Variants in IMMP2L observed in about 807,000 individuals in gnomAD.
IMMP2L encodes mitochondrial inner membrane protease subunit 2.
In IMMP2L, 18 loss-of-function variants were observed where a neutral mutation model predicts 19.3. That is an observed-to-expected ratio of 0.93 (90% CI 0.64 to 1.38). IMMP2L has a LOEUF of 1.38. IMMP2L is among the 40% of genes most tolerant of loss of function. The probability of loss-of-function intolerance (pLI) is 0.00; values close to 1 mark genes in which losing one functional copy is unlikely to be tolerated. For synonymous variants in IMMP2L, 76 were observed against 73.0 expected (o/e 1.04, Z -0.21); for missense variants, 233 against 218.2 (o/e 1.07, Z -0.43).
chr7:110,893,526 T>C (rs1489532127), intron 4 of IMMP2L, among the ~76,000 whole-genome samples: 1 of 152,210 alleles, frequency 6.6e-6, no homozygotes, highest in Non-Finnish European at 1.5e-5. Context: ...TGTCAAACAA[T>C]AGTTCATGAA....
chr7:110,814,937 T>C (rs556973313), intron 5 of IMMP2L, among the ~76,000 whole-genome samples: 1 of 152,094 alleles, frequency 6.6e-6, no homozygotes, highest in South Asian at 2.1e-4. Context: ...CACATGGTAG[T>C]TTTCTTTTAG....
intron 1 of IMMP2L, among the ~76,000 whole-genome samples, chr7:111,529,150 G>A (rs1168572673): frequency 2.0e-5 from 3 of 152,104 alleles, no homozygotes; most frequent in Non-Finnish European, 4.4e-5. Flanking sequence ...AGGGACCTGT[G>A]ACAAGGTCAC....
chr7:110,684,982 C>T (rs1414855101), intron 5 of IMMP2L, among the ~76,000 whole-genome samples: 1 of 151,878 alleles, frequency 6.6e-6, no homozygotes, highest in Non-Finnish European at 1.5e-5. Context: ...ATTTTTTTTC[C>T]AGTTTGCTTT....
At chr7:111,075,520 T>C (rs1713143599) in intron 3 of IMMP2L, among the ~76,000 whole-genome samples, 1 of 152,210 alleles carries the variant, frequency 6.6e-6, no homozygotes, top group Non-Finnish European at 1.5e-5. Flanking sequence ...GTTTTCATAA[T>C]ACTCGAAATT....
At chr7:110,818,739 A>G (rs2131319197) in intron 5 of IMMP2L, among the ~76,000 whole-genome samples, 1 of 152,208 alleles carries the variant, frequency 6.6e-6, no homozygotes, top group South Asian at 2.1e-4. Context: ...GACTGGATTA[A>G]GAAAATGTGG....
chr7:111,412,442 A>ACTT (rs1215271675), intron 3 of IMMP2L, among the ~76,000 whole-genome samples: 1 of 151,872 alleles, frequency 6.6e-6, no homozygotes, highest in Non-Finnish European at 1.5e-5. Flanking sequence ...CACTCAAAGT[A>ACTT]CTTTCTTTGA....
chr7:110,874,825 TG>T (rs1223707156), intron 5 of IMMP2L, among the ~76,000 whole-genome samples: 1 of 152,088 alleles, frequency 6.6e-6, no homozygotes, highest in African/African-American at 2.4e-5. Flanking sequence ...CTTTAGAGAC[TG>T]GGAAGTCCAA....
chr7:110,970,122 A>C, intron 3 of IMMP2L, among the ~76,000 whole-genome samples: 1 of 150,726 alleles, frequency 6.6e-6, no homozygotes, highest in Non-Finnish European at 1.5e-5. Flanking sequence ...TGGATTATGT[A>C]AAATCAATTA....
At chr7:111,532,205 G>C (rs139691142) in intron 1 of IMMP2L, among the ~76,000 whole-genome samples, 2 of 152,006 alleles carry the variant, frequency 1.3e-5, no homozygotes, top group African/African-American at 2.4e-5. Context: ...TCCAAAGCAC[G>C]GTCATCCAAG....
At chr7:110,825,563 C>T (rs1318451855) in intron 5 of IMMP2L, among the ~76,000 whole-genome samples, 1 of 151,990 alleles carries the variant, frequency 6.6e-6, no homozygotes, top group Non-Finnish European at 1.5e-5. Context: ...CTTTGACAAA[C>T]CTGACAAAAA....
chr7:110,952,279 C>CA (rs1367390637), intron 4 of IMMP2L, among the ~76,000 whole-genome samples: 2 of 152,104 alleles, frequency 1.3e-5, no homozygotes, highest in Non-Finnish European at 2.9e-5. Context: ...GTAAAGAAGG[C>CA]TAATTAACCC....
intron 2 of IMMP2L, among the ~76,000 whole-genome samples, chr7:111,513,390 A>G (rs1845619982): frequency 6.6e-6 from 1 of 152,198 alleles, no homozygotes; most frequent in African/African-American, 2.4e-5. Flanking sequence ...AATGGAAATT[A>G]AATTAAATGT....
At chr7:111,259,952 C>T (rs1817139268) in intron 3 of IMMP2L, among the ~76,000 whole-genome samples, 1 of 152,058 alleles carries the variant, frequency 6.6e-6, no homozygotes, top group Non-Finnish European at 1.5e-5. Context: ...CACATCTTGT[C>T]CCACTGGAAG....
At chr7:111,378,289 T>C (rs1417214897) in intron 3 of IMMP2L, among the ~76,000 whole-genome samples, 1 of 151,996 alleles carries the variant, frequency 6.6e-6, no homozygotes, top group Non-Finnish European at 1.5e-5. Flanking sequence ...GATATGTGGA[T>C]TGTATTGGCA....
intron 3 of IMMP2L, among the ~76,000 whole-genome samples, chr7:111,310,539 CCTT>C (rs1308985880): frequency 9.9e-5 from 15 of 152,114 alleles, no homozygotes; most frequent in Admixed American, 2.6e-4. Context: ...CTAATTAACA[CCTT>C]CTTCTTCTAC....
chr7:110,907,125 T>A (rs1292434384), intron 4 of IMMP2L, among the ~76,000 whole-genome samples: 3 of 152,020 alleles, frequency 2.0e-5, no homozygotes, highest in Non-Finnish European at 4.4e-5. Context: ...TAGTAACACT[T>A]TAGTTTTGCC....
intron 5 of IMMP2L, among the ~76,000 whole-genome samples, chr7:110,881,321 T>A (rs1019550840): frequency 1.3e-5 from 2 of 152,170 alleles, no homozygotes; most frequent in East Asian, 3.8e-4. Context: ...GAAAATTATA[T>A]CTAGGTAAAG....
chr7:110,862,427 ACTCCTGGG>A (rs1807540586), intron 5 of IMMP2L, among the ~76,000 whole-genome samples: 1 of 151,198 alleles, frequency 6.6e-6, no homozygotes, highest in Non-Finnish European at 1.5e-5. Context: ...GCAGCCTCAA[ACTCCTGGG>A]CTCAAGCGAT....
intron 3 of IMMP2L, among the ~76,000 whole-genome samples, chr7:111,164,157 A>AAGGAAGGC (rs1252844422): frequency 1.3e-5 from 2 of 151,112 alleles, no homozygotes; most frequent in Non-Finnish European, 3.0e-5. Context: ...GGAAGGAAGG[A>AAGGAAGGC]AGGAAGGCAG....
Sources: gnomAD v4.1 joint callset for allele counts (sites outside exome capture counted in the v4.1 genomes callset) on GRCh38, gnomAD v4.1.1 for gene constraint, MANE v1.5 for transcripts, NCBI Gene and HGNC (gene_info 2026-07-23, HGNC 2026-07-21) for gene names.